COL2A1: variants seen among roughly 807,000 people sequenced by gnomAD.
COL2A1 encodes collagen alpha-1(II) chain.
Under a neutral mutation model 204.5 loss-of-function variants are expected in COL2A1, and 28 were observed. The observed-to-expected ratio is 0.14, with a 90% confidence interval of 0.10 to 0.19. The LOEUF (loss-of-function observed/expected upper bound fraction) is 0.19, where lower values mean the gene tolerates loss of function less well. Ranked by LOEUF, COL2A1 falls within the 10% of genes least tolerant of loss-of-function variation. COL2A1 has a pLI of 1.00. For missense variants in COL2A1, 1,388 were observed against 2,027.5 expected (o/e 0.68, Z 6.06); for synonymous variants, 708 against 718.7 (o/e 0.99, Z 0.24).
At chr12:47,995,170 C>G in intron 11 of COL2A1, 85 bp downstream of exon 11, 1 of 1,200,850 alleles carries the variant, frequency 8.3e-7, no homozygotes, top group Non-Finnish European at 1.2e-6. Flanking sequence ...ACCCTGGGTG[C>G]CTCCCTGTCA....
Position 47,980,510 on chromosome 12 carries a change from G to T in COL2A1, c.2625+44C>A. On this transcript the variant is annotated intron_variant, in intron 39 of 53. Transcript: ENST00000380518. The surrounding 1 kb of genome is among the most constrained non-coding windows in gnomAD (Gnocchi z 4.5). ...GGGCCTTCCCATCTGCACGCCAGGA[G>T]CCCTTCCTTGAGGGAACAATTCTTG... The T allele has an allele frequency of 1.3e-6, 2 of 1,518,556 alleles. No individual in the cohort carries two copies. The highest frequency in any genetic ancestry group is 1.8e-6 in the Non-Finnish European group (2 of 1,112,368). 94.1% of individuals were successfully genotyped at this position (1,518,556 alleles called of 1,614,324 possible).
rs373195482 is a variant in COL2A1, at chr12:47,998,186, G to A, written c.325C>T (p.Pro109Ser). ...QPGPKGQKGE[P>S]GDIKDIVGPK... The stretch of plus-strand genomic sequence containing the variant: ...GCACTTACATCCTTGATGTCTCCAG[G>A]TTCTCCTTTCTGTCCCTGAAACATG... The change falls in exon 4 of 54, where the codon CCT becomes TCT. Residue 109 changes from proline to serine, a missense_variant. By Grantham distance (74) the Pro-to-Ser change is moderately conservative. Around this residue, in one of 3 missense-constraint regions of COL2A1, gnomAD observed 201 missense variants for 242.4 expected, o/e 0.83. Coordinates refer to ENST00000380518, the MANE Select transcript of COL2A1 (RefSeq NM_001844.5). 2.5e-6 allele frequency: 4 copies of A among 1,614,110 alleles called. No individual in the cohort carries two copies. Among genetic ancestry groups the A allele is most frequent in the Non-Finnish European group, 3.4e-6 (4 of 1,180,034 alleles).
chr12:47,999,533 A>T (rs1024505542), intron 2 of COL2A1, among the ~76,000 whole-genome samples: 4 of 152,162 alleles, frequency 2.6e-5, no homozygotes, highest in Non-Finnish European at 4.4e-5. Flanking sequence ...GGAGAAGACA[A>T]GGTGTCGGTG....
At chr12:47,995,679 AG>A in intron 10 of COL2A1, 30 bp downstream of exon 10, 1 of 1,609,706 alleles carries the variant, frequency 6.2e-7, no homozygotes, top group Non-Finnish European at 8.5e-7. Context: ...AGGCTCCCCC[AG>A]AGAAGGGACA....
At chr12:48,005,241 G>GGGGGCA (rs1296371680), upstream of COL2A1, 1 of 153,086 alleles carries the variant, frequency 6.5e-6, no homozygotes, top group Non-Finnish European at 1.5e-5. Context: ...TGAAGGTGTG[G>GGGGGCA]GGGGCAGGGG....
Position 47,980,545 on chromosome 12 carries a change from G to A in COL2A1, c.2625+9C>T, listed in dbSNP as rs41272027. ...GAGGGAACAATTCTTGGAGTGCAGCGTTACCCACCTGAGGCCCAGGTGCTC... is the reference window on the plus strand; with the variant it reads ...GAGGGAACAATTCTTGGAGTGCAGCATTACCCACCTGAGGCCCAGGTGCTC... On this transcript the variant is annotated intron_variant, in intron 39 of 53. Coordinates refer to ENST00000380518, the MANE Select transcript of COL2A1 (RefSeq NM_001844.5). The surrounding 1 kb of genome is among the most constrained non-coding windows in gnomAD (Gnocchi z 4.5). 7,314 of 1,596,248 alleles carry A rather than the reference G, an allele frequency of 4.6e-3. 331 individuals carry two copies. The African/African-American group carries it at 0.084, about 18-fold the overall frequency.
In COL2A1 at chr12:47,987,465, G is replaced by C. The variant is rs1433717067; in HGVS notation, c.1221+146C>G. On this transcript the variant is annotated intron_variant, in intron 19 of 53. Transcript: ENST00000380518. This position sits in a 1 kb window ranked among gnomAD's most constrained non-coding sequence, Gnocchi z 4.1. ...TTCAAGGGGAAGATGGGATAGAAGGGAATACATCTAGAGGTGGGGACAGGC... is the reference window on the plus strand; with the variant it reads ...TTCAAGGGGAAGATGGGATAGAAGGCAATACATCTAGAGGTGGGGACAGGC... The C allele has an allele frequency of 1.8e-5, 19 of 1,055,242 alleles. No individual in the cohort carries two copies. Among genetic ancestry groups the C allele is most frequent in the Middle Eastern group, 4.1e-4 (2 of 4,898 alleles). The allele number at this position is 1,055,242 out of a possible 1,614,324, so 65.4% of individuals were successfully genotyped here.
chr12:47,989,690 G>C, intron 17 of COL2A1, 71 bp downstream of exon 17: 1 of 1,378,554 alleles, frequency 7.3e-7, no homozygotes, highest in South Asian at 1.2e-5. Flanking sequence ...ACACCCTGCA[G>C]ACTGCCTTGG....
intron 18 of COL2A1, among the ~76,000 whole-genome samples, chr12:47,988,808 G>A (rs1249179933): frequency 1.3e-5 from 2 of 152,270 alleles, no homozygotes; most frequent in African/African-American, 2.4e-5. Flanking sequence ...CCAGAGGGGA[G>A]CAGGGGCTCC....
In COL2A1 at chr12:47,976,957, G is replaced by T; in HGVS notation, c.3328-38C>A. 6.4e-7 allele frequency: 1 copy of T among 1,559,134 alleles called. No homozygotes were observed. The highest frequency in any genetic ancestry group is 8.7e-7 in the Non-Finnish European group (1 of 1,144,374). ...CAGACACCGATTGAGTCAGGTCAGG[G>T]CCAGGACAGGAGCCCCCTCCTGTCC... On this transcript the variant is annotated intron_variant, in intron 47 of 53. Coordinates refer to ENST00000380518, the MANE Select transcript of COL2A1 (RefSeq NM_001844.5). This position sits in a 1 kb window ranked among gnomAD's most constrained non-coding sequence, Gnocchi z 4.3.
At position 47,987,731 on chromosome 12, in the gene COL2A1, G is replaced by A. The variant is rs781362493; in HGVS notation, c.1123-22C>T. ...CACCCTGGGAAGAGACAGGGAGGAT[G>A]AAATGAAGAAGAAGAGAGGGGACAC... On this transcript the variant is annotated intron_variant, in intron 18 of 53. Transcript: ENST00000380518. This position sits in a 1 kb window ranked among gnomAD's most constrained non-coding sequence, Gnocchi z 4.1. 1.9e-6 allele frequency: 3 copies of A among 1,583,012 alleles called. No homozygotes were observed. The highest frequency in any genetic ancestry group is 3.4e-5 in the Admixed American group (2 of 58,752).
rs371974287 is a variant in COL2A1, at chr12:47,975,520, G to C, written c.3683C>G (p.Pro1228Arg). ...CAGGGGGTCGGGGCCCTTCTCTCTCGGGCCTAAGCCAGCAAAGGCGGACAT... is the reference window on the plus strand; with the variant it reads ...CAGGGGGTCGGGGCCCTTCTCTCTCCGGCCTAAGCCAGCAAAGGCGGACAT... ...IDMSAFAGLG[P>R]REKGPDPLQY... Residue 1228 changes from proline (P) to arginine (R), a missense_variant, in exon 51 of 54, where the codon CCG becomes CGG. Physicochemically the swap from Pro to Arg is moderately radical, Grantham distance 103. Coordinates refer to ENST00000380518, the MANE Select transcript of COL2A1 (RefSeq NM_001844.5). The C allele has an allele frequency of 3.1e-6, 5 of 1,610,054 alleles. No individual in the cohort carries two copies. In the East Asian group the frequency reaches 6.7e-5, roughly 22 times the overall value.
Position 47,985,835 on chromosome 12 carries a change from G to T in COL2A1, c.1582-9C>A. The T allele has an allele frequency of 6.2e-7, 1 of 1,605,270 alleles. No homozygotes were observed. Among genetic ancestry groups the T allele is most frequent in the Non-Finnish European group, 8.5e-7 (1 of 1,175,538 alleles). ...CGCTCTCCAGGGGCTCCCTACAAGG[G>T]TACACAGGGAGTCAGTGGGATACCA... On this transcript the variant is annotated splice_polypyrimidine_tract_variant and intron_variant, in intron 24 of 53. Coordinates refer to ENST00000380518, the MANE Select transcript of COL2A1 (RefSeq NM_001844.5).
chr12:47,997,588 G>C lies in COL2A1; in HGVS notation c.531+18C>G, dbSNP rs773205633. On this transcript the variant is annotated intron_variant, in intron 7 of 53. Transcript: ENST00000380518. Reference sequence around the variant, plus strand: ...TCTGGAGGGACAGCCTGAAGGAATGGGAAGTAAGGATACTTACTCCACCAA... The same window carrying C: ...TCTGGAGGGACAGCCTGAAGGAATGCGAAGTAAGGATACTTACTCCACCAA... The C allele has an allele frequency of 6.2e-7, 1 of 1,613,884 alleles. No homozygotes were observed. Among genetic ancestry groups the C allele is most frequent in the Non-Finnish European group, 8.5e-7 (1 of 1,180,034 alleles).
At chr12:47,983,260 G>A in intron 31 of COL2A1, 123 bp from the exon 32 acceptor site, 1 of 1,478,294 alleles carries the variant, frequency 6.8e-7, no homozygotes, top group Non-Finnish European at 9.3e-7. Flanking sequence ...TGGAGGCTGG[G>A]ACATGGGTCC....
chr12:47,977,142 G>A lies in COL2A1; in HGVS notation c.3287C>T (p.Pro1096Leu), dbSNP rs377708131. The A allele has an allele frequency of 1.4e-5, 22 of 1,610,628 alleles. No homozygotes were observed. The highest frequency in any genetic ancestry group is 1.9e-5 in the Non-Finnish European group (22 of 1,178,926). The change falls in exon 47 of 54, where the codon CCC becomes CTC. Residue 1096 changes from proline to leucine, a missense_variant. Pro to Leu is a moderately conservative substitution (Grantham distance 98). Transcript: ENST00000380518. Reference protein sequence around the residue: ...GDRGEAGAQGPMGPSGPAGAR... With the variant: ...GDRGEAGAQGLMGPSGPAGAR... ...TCCAGCTGGTCCTGAGGGTCCCATG[G>A]GGCCTTGTGCACCCTGAGGAGAGAG...
chr12:47,985,438 T>C (rs1939340308), intron 26 of COL2A1, 96 bp downstream of exon 26: 2 of 1,288,978 alleles, frequency 1.6e-6, no homozygotes, highest in Non-Finnish European at 2.3e-6. Flanking sequence ...TTCACAGTAC[T>C]TCAGGCCTCC....
chr12:47,978,830 G>A lies in COL2A1; in HGVS notation c.2734-72C>T. The A allele has an allele frequency of 6.5e-7, 1 of 1,545,494 alleles. No homozygotes were observed. ...CATCCAGGCTGCCAAAGTCACTGTG[G>A]CCTCAGTGACAGCAGTTTCCTCTCT... is the stretch of plus-strand genomic sequence containing the variant. On this transcript the variant is annotated intron_variant, in intron 41 of 53. Coordinates refer to ENST00000380518, the MANE Select transcript of COL2A1 (RefSeq NM_001844.5). The surrounding 1 kb of genome is among the most constrained non-coding windows in gnomAD (Gnocchi z 5.5).
rs1227948772 is a variant in COL2A1 at position 47,974,926 on chromosome 12, AC to A, written c.3887-65del. Reference sequence around the variant, plus strand: ...AGGCACAGACACAAAAGCTTGAGAGACCCAGGCCTGACTGAAAGAGACAGAG... The same window carrying A: ...AGGCACAGACACAAAAGCTTGAGAGACCAGGCCTGACTGAAAGAGACAGAG... On this transcript the variant is annotated intron_variant, in intron 51 of 53. Coordinates refer to ENST00000380518, the MANE Select transcript of COL2A1 (RefSeq NM_001844.5). 14 of 1,527,486 alleles carry A rather than the reference AC, an allele frequency of 9.2e-6. No individual in the cohort carries two copies. In the Admixed American group the frequency reaches 2.2e-4, roughly 24 times the overall value. 94.6% of individuals were successfully genotyped at this position (1,527,486 alleles called of 1,614,324 possible). A position where few individuals can be genotyped will look rare whatever the true frequency, so the allele number is the denominator to read the frequency against.
Sources: gnomAD v4.1 joint callset for allele counts (sites outside exome capture counted in the v4.1 genomes callset) on GRCh38, gnomAD v4.1.1 for gene constraint, gnomAD v4.1.1 regional missense constraint, Gnocchi (gnomAD v3.1) non-coding constraint, MANE v1.5 for transcripts, NCBI Gene and HGNC (gene_info 2026-07-23, HGNC 2026-07-21) for gene names.